The following CEP85 variants were observed in gnomAD, a reference collection of about 807,000 sequenced individuals.
The protein encoded by CEP85 is centrosomal protein of 85 kDa.
CEP85 carries 58 observed loss-of-function variants against 93.7 expected under a neutral mutation model. That is an observed-to-expected ratio of 0.62 (90% CI 0.50 to 0.77). The LOEUF is 0.77. Ranked by LOEUF, CEP85 falls within the 30% of genes least tolerant of loss-of-function variation. The pLI is 0.00. For synonymous variants in CEP85, 314 were observed against 338.6 expected, an observed-to-expected ratio of 0.93 and a Z score of 0.80; for missense variants, 868 against 922.0, an observed-to-expected ratio of 0.94 and a Z score of 0.76.
intron 12 of CEP85, among the ~76,000 whole-genome samples, chr1:26,275,707 T>G (rs1337749741): frequency 6.6e-6 from 1 of 152,182 alleles, no homozygotes; most frequent in Admixed American, 6.5e-5. Context: ...TAAACAGAGC[T>G]GTCAGCAGGG....
At chr1:26,240,257 A>G (rs2089400985) in intron 2 of CEP85, among the ~76,000 whole-genome samples, 1 of 152,206 alleles carries the variant, frequency 6.6e-6, no homozygotes, top group Non-Finnish European at 1.5e-5. Context: ...TCAGGAATTT[A>G]TCTTCAGAAT....
intron 2 of CEP85, among the ~76,000 whole-genome samples, chr1:26,240,333 C>T (rs931396225): frequency 2.6e-5 from 4 of 152,078 alleles, no homozygotes; most frequent in African/African-American, 7.2e-5. Flanking sequence ...GTGTCCATGG[C>T]GGACTGGTTC....
intron 3 of CEP85, among the ~76,000 whole-genome samples, chr1:26,252,792 G>A (rs2089639409): frequency 1.3e-5 from 2 of 152,032 alleles, no homozygotes; most frequent in South Asian, 4.1e-4. Context: ...CTTCAGTATA[G>A]CAAATTAGAT....
chr1:26,272,373 C>T (rs1268317134), intron 11 of CEP85: 2 of 369,844 alleles, frequency 5.4e-6, no homozygotes, highest in East Asian at 9.1e-5. Context: ...GAGGAGTTAG[C>T]CAGGCAAACA....
At chr1:26,264,384 T>C (rs974295306) in intron 7 of CEP85, among the ~76,000 whole-genome samples, 14 of 152,000 alleles carry the variant, frequency 9.2e-5, no homozygotes, top group African/African-American at 2.9e-4. Context: ...AATACAAAAA[T>C]TAGCTGGGCA....
In CEP85 at chr1:26,244,098, T is replaced by A. The variant is rs537491502; in HGVS notation, c.56-68T>A. On this transcript the variant is annotated intron_variant, in intron 2 of 13. Coordinates refer to ENST00000451429, the MANE Select transcript of CEP85 (RefSeq NM_001319944.2). ...ATTCTCTTAGGTTTATGTGATTTTT[T>A]AAAAAAAGATCTGATGGGGTTACAT... The A allele has an allele frequency of 1.3e-5, 19 of 1,477,414 alleles. No individual in the cohort carries two copies. The African/African-American group carries it at 1.5e-4, about 12-fold the overall frequency. 91.5% of individuals were successfully genotyped at this position (1,477,414 alleles called of 1,614,324 possible).
Position 26,277,517 on chromosome 1 carries a change from A to C in CEP85, c.*224A>C. The C allele has an allele frequency of 2.2e-6, 1 of 463,094 alleles. No individual in the cohort carries two copies. Among genetic ancestry groups the C allele is most frequent in the Non-Finnish European group, 4.0e-6 (1 of 251,754 alleles). The allele number at this position is 463,094 out of a possible 1,614,324, so 28.7% of individuals were successfully genotyped here. On this transcript the variant is annotated 3_prime_UTR_variant, in exon 14 of 14. Coordinates refer to ENST00000451429, the MANE Select transcript of CEP85 (RefSeq NM_001319944.2). The stretch of plus-strand genomic sequence containing the variant: ...AATTCACTCTAGACGGTGAGTTACT[A>C]ATTAACTTTTGGCAGGTACAACAGA...
intron 1 of CEP85, among the ~76,000 whole-genome samples, chr1:26,234,745 C>T (rs559430441): frequency 5.9e-5 from 9 of 152,308 alleles, no homozygotes; most frequent in African/African-American, 2.2e-4. Flanking sequence ...AGGGAGCCCT[C>T]CCCGAGGAGG....
intron 9 of CEP85, among the ~76,000 whole-genome samples, chr1:26,270,072 G>A (rs2166901): frequency 6.6e-6 from 1 of 151,876 alleles, no homozygotes; most frequent in Non-Finnish European, 1.5e-5. Context: ...CACCGCGCCC[G>A]GCCAGGAAGC....
rs2124608635 is a variant in CEP85, at chr1:26,270,948, C to G, written c.1650-66C>G. 3 of 975,354 alleles carry G rather than the reference C, an allele frequency of 3.1e-6. No homozygotes were observed. The East Asian group carries it at 7.2e-5, about 23-fold the overall frequency. 60.4% of individuals were successfully genotyped at this position (975,354 alleles called of 1,614,324 possible). A position where few individuals can be genotyped will look rare whatever the true frequency, so the allele number is the denominator to read the frequency against. ...TTGCCTCAAAATGTGCAATAAGTAG[C>G]AGAACCAAGAATCAAAGCCACTTGT... On this transcript the variant is annotated intron_variant, in intron 9 of 13. Coordinates refer to ENST00000451429, the MANE Select transcript of CEP85 (RefSeq NM_001319944.2).
At chr1:26,270,163 T>A (rs935323279) in intron 9 of CEP85, among the ~76,000 whole-genome samples, 3 of 152,200 alleles carry the variant, frequency 2.0e-5, no homozygotes, top group Non-Finnish European at 4.4e-5. Flanking sequence ...ACCCAGTGCC[T>A]GGCACATAAT....
At chr1:26,264,679 C>G (rs1222574255) in intron 7 of CEP85, among the ~76,000 whole-genome samples, 1 of 152,196 alleles carries the variant, frequency 6.6e-6, no homozygotes, top group Non-Finnish European at 1.5e-5. Flanking sequence ...GATGTCTTCT[C>G]TCACTCTCTC....
chr1:26,269,533 C>A lies in CEP85; in HGVS notation c.1568C>A (p.Thr523Asn), dbSNP rs1357980571. The change falls in exon 9 of 14, where the codon ACC becomes AAC. Residue 523 changes from threonine (T) to asparagine (N), a missense_variant. By Grantham distance (65) the Thr-to-Asn change is moderately conservative. Coordinates refer to ENST00000451429, the MANE Select transcript of CEP85 (RefSeq NM_001319944.2). ...GAGCTGGAGAGTTTGCTGGAGGAGA[C>A]CCAGGCAATCTGCAGAGAGAAGGAG... ...VTELESLLEE[T>N]QAICREKEIQ... 6.2e-7 allele frequency: 1 copy of A among 1,613,880 alleles called. No homozygotes were observed.
intron 7 of CEP85, among the ~76,000 whole-genome samples, chr1:26,266,201 C>T (rs2089892379): frequency 6.6e-6 from 1 of 151,260 alleles, no homozygotes; most frequent in African/African-American, 2.4e-5. Flanking sequence ...AAGAATGAAA[C>T]TCCATCTAAA....
At chr1:26,266,743 T>G (rs2089900330) in intron 7 of CEP85, among the ~76,000 whole-genome samples, 1 of 152,260 alleles carries the variant, frequency 6.6e-6, no homozygotes, top group Non-Finnish European at 1.5e-5. Context: ...TTCCTCACCT[T>G]CCTTGTTCAT....
chr1:26,258,277 A>C lies in CEP85; in HGVS notation c.1155+17A>C. ...AGGCTACAGGTAAGTATTGGCCATC[A>C]GGATGGCATTCTGTTTGTCATAACT... On this transcript the variant is annotated intron_variant, in intron 6 of 13. Coordinates refer to ENST00000451429, the MANE Select transcript of CEP85 (RefSeq NM_001319944.2). 3 of 1,499,028 alleles carry C rather than the reference A, an allele frequency of 2.0e-6. No individual in the cohort carries two copies. Among genetic ancestry groups the C allele is most frequent in the East Asian group, 2.3e-5 (1 of 44,354 alleles). The allele number at this position is 1,499,028 out of a possible 1,614,324, so 92.9% of individuals were successfully genotyped here.
At chr1:26,252,897 G>A (rs966633606) in intron 3 of CEP85, among the ~76,000 whole-genome samples, 2 of 152,006 alleles carry the variant, frequency 1.3e-5, no homozygotes, top group Non-Finnish European at 2.9e-5. Flanking sequence ...AGCATCTCTC[G>A]ATTCCCCCTG....
chr1:26,241,095 ATGTTTT>A (rs1252890226), intron 2 of CEP85, among the ~76,000 whole-genome samples: 2 of 152,090 alleles, frequency 1.3e-5, no homozygotes, highest in African/African-American at 2.4e-5. Context: ...AACTCAGGGT[ATGTTTT>A]ATTTAACTTT....
rs942747546 is a variant in CEP85 at position 26,235,636 on chromosome 1, G to C, written c.-23+1326G>C. ...TGCCCAGGCTGGAGTGCCGTGGCGCGATGTCGGCTCACCGCAACCTCCGCC... is the reference window on the plus strand; with the variant it reads ...TGCCCAGGCTGGAGTGCCGTGGCGCCATGTCGGCTCACCGCAACCTCCGCC... On this transcript the variant is annotated intron_variant, in intron 1 of 13. Transcript: ENST00000451429. Among the ~76,000 whole-genome samples the C allele has an allele frequency of 2.7e-5, 4 of 147,276 alleles. No homozygotes were observed. In the Admixed American group the frequency reaches 2.7e-4, roughly 10 times the overall value.
Sources: allele counts gnomAD v4.1 joint callset (sites outside exome capture counted in the v4.1 genomes callset), GRCh38; gene constraint gnomAD v4.1.1; transcripts MANE v1.5; gene names NCBI Gene and HGNC (gene_info 2026-07-23, HGNC 2026-07-21).